Variants in ST7 observed in about 807,000 individuals in gnomAD.
ST7 encodes suppressor of tumorigenicity 7 protein.
A neutral mutation model predicts 78.7 loss-of-function variants in ST7; 28 were observed. The observed-to-expected ratio is 0.36, with a 90% CI of 0.26 to 0.49. The LOEUF is 0.49. ST7 is among the 20% of genes least tolerant of loss of function. The probability of loss-of-function intolerance (pLI) is 0.99; values close to 1 mark genes in which losing one functional copy is unlikely to be tolerated. For missense variants in ST7, 418 were observed against 696.0 expected (o/e 0.60, Z 4.49); for synonymous variants, 247 against 249.6 (o/e 0.99, Z 0.10).
At chr7:117,229,149 A>T (rs1793624400) in intron 15 of ST7, among the ~76,000 whole-genome samples, 1 of 152,252 alleles carries the variant, frequency 6.6e-6, no homozygotes, top group Admixed American at 6.5e-5. Flanking sequence ...GAGTTCCCAG[A>T]GGTGCACTCG....
At position 117,190,740 on chromosome 7, in the gene ST7, C is replaced by A. The variant is rs1809697949; in HGVS notation, c.1152-94C>A. On this transcript the variant is annotated intron_variant, in intron 11 of 15. Coordinates refer to ENST00000323984, the MANE Select transcript of ST7 (RefSeq NM_001369598.1). The surrounding 1 kb of genome is among the most constrained non-coding windows in gnomAD (Gnocchi z 5.2). Reference sequence around the variant, plus strand: ...TTGGAGAGCTCATGCTATTGGCTCACTGTGGTTTTATGGGCCCTAGATGTG... The same window carrying A: ...TTGGAGAGCTCATGCTATTGGCTCAATGTGGTTTTATGGGCCCTAGATGTG... 2.1e-6 allele frequency: 2 copies of A among 956,430 alleles called. No individual in the cohort carries two copies. Among genetic ancestry groups the A allele is most frequent in the Non-Finnish European group, 3.3e-6 (2 of 607,070 alleles). 59.2% of individuals were successfully genotyped at this position (956,430 alleles called of 1,614,324 possible).
chr7:117,027,752 T>C (rs926108708), intron 1 of ST7, among the ~76,000 whole-genome samples: 13 of 152,076 alleles, frequency 8.5e-5, no homozygotes, highest in Non-Finnish European at 1.6e-4. Flanking sequence ...AACACACCAG[T>C]CTGTGTCACA....
intron 9 of ST7, among the ~76,000 whole-genome samples, chr7:117,141,726 A>C (rs1290590624): frequency 3.3e-5 from 5 of 151,760 alleles, no homozygotes; most frequent in Non-Finnish European, 7.4e-5. Flanking sequence ...GCTGGAGTGC[A>C]GTGGCACGAC....
chr7:117,210,885 A>G (rs1362389471), intron 13 of ST7, among the ~76,000 whole-genome samples: 2 of 152,204 alleles, frequency 1.3e-5, no homozygotes, highest in East Asian at 3.8e-4. Flanking sequence ...TTTTCCACCC[A>G]TGGGAAACTA....
chr7:117,178,396 G>A (rs1230490657), intron 10 of ST7, among the ~76,000 whole-genome samples: 4 of 152,174 alleles, frequency 2.6e-5, no homozygotes, highest in Admixed American at 6.5e-5. Context: ...TTTGAAACAA[G>A]CTGTGGGGAG....
intron 1 of ST7, among the ~76,000 whole-genome samples, chr7:117,097,895 TATATATATATA>T (rs1801201802): frequency 1.6e-4 from 4 of 24,390 alleles, no homozygotes; most frequent in South Asian, 2.5e-3. Flanking sequence ...TATATATATA[TATATATATATA>T]TATTTTTTTT....
At chr7:117,005,937 G>C (rs1259688077) in intron 1 of ST7, among the ~76,000 whole-genome samples, 1 of 152,138 alleles carries the variant, frequency 6.6e-6, no homozygotes, top group Non-Finnish European at 1.5e-5. Context: ...ATTTAAGAGA[G>C]TCAACAATAG....
At chr7:117,089,546 A>G (rs569852518) in intron 1 of ST7, among the ~76,000 whole-genome samples, 8 of 151,500 alleles carry the variant, frequency 5.3e-5, no homozygotes, top group Non-Finnish European at 8.8e-5. Flanking sequence ...AACCTAGAGC[A>G]CTTCAACAGT....
At chr7:117,072,312 A>G (rs1799017107) in intron 1 of ST7, 1 of 152,226 alleles carries the variant, frequency 6.6e-6, no homozygotes, top group Non-Finnish European at 1.5e-5. Context: ...CTCAGTTGGT[A>G]TCATTCTATA....
intron 1 of ST7, chr7:116,959,784 T>C (rs1220202808): frequency 6.6e-6 from 1 of 152,232 alleles, no homozygotes; most frequent in African/African-American, 2.4e-5. Context: ...GAGATATTTT[T>C]CTCAGCCATT....
chr7:117,082,519 C>A (rs1471055299), intron 1 of ST7, among the ~76,000 whole-genome samples: 2 of 152,236 alleles, frequency 1.3e-5, no homozygotes, highest in East Asian at 3.8e-4. Context: ...ATGGCAGCAT[C>A]ATTGGGATAC....
intron 9 of ST7, among the ~76,000 whole-genome samples, chr7:117,156,386 A>G (rs1175647207): frequency 6.6e-6 from 1 of 152,198 alleles, no homozygotes; most frequent in Non-Finnish European, 1.5e-5. Context: ...TTACTGAAAG[A>G]AGGATGACTA....
intron 1 of ST7, chr7:116,958,479 G>T: frequency 3.1e-6 from 1 of 320,754 alleles, no homozygotes; most frequent in Non-Finnish European, 6.5e-6. Context: ...ACATAAAATT[G>T]GATTTCCCTT....
chr7:117,169,223 C>G (rs566200967), intron 9 of ST7, among the ~76,000 whole-genome samples: 1 of 151,596 alleles, frequency 6.6e-6, no homozygotes, highest in African/African-American at 2.4e-5. Context: ...GCAACCTCCA[C>G]CTCCTGGGTT....
chr7:116,990,158 A>T (rs1428179303), intron 1 of ST7, among the ~76,000 whole-genome samples: 1 of 152,044 alleles, frequency 6.6e-6, no homozygotes, highest in African/African-American at 2.4e-5. Flanking sequence ...GGATTATCTC[A>T]ATCTCTGGAC....
Position 117,190,479 on chromosome 7 carries a change from G to A in ST7, c.1152-355G>A, listed in dbSNP as rs967419458. On this transcript the variant is annotated intron_variant, in intron 11 of 15. Transcript: ENST00000323984. The surrounding 1 kb of genome is among the most constrained non-coding windows in gnomAD (Gnocchi z 5.2). ...CCCAGTTCTGTTTTTAACCAAGTGC[G>A]CTCTTCTGTAACCTAGTTTTCTCTT... Among the ~76,000 whole-genome samples the A allele has an allele frequency of 2.0e-5, 3 of 152,130 alleles. No homozygotes were observed. The highest frequency in any genetic ancestry group is 4.4e-5 in the Non-Finnish European group (3 of 68,026).
chr7:117,042,150 T>A (rs1797263928), intron 1 of ST7, among the ~76,000 whole-genome samples: 2 of 152,332 alleles, frequency 1.3e-5, no homozygotes, highest in Admixed American at 1.3e-4. Context: ...TTTGTATTAT[T>A]TGAGTTTTTG....
At chr7:117,143,010 T>G (rs1303445306) in intron 9 of ST7, among the ~76,000 whole-genome samples, 1 of 152,134 alleles carries the variant, frequency 6.6e-6, no homozygotes, top group East Asian at 1.9e-4. Flanking sequence ...AGCCTGGTTT[T>G]GGGGGCTGTT....
chr7:117,102,797 C>T (rs1281241750), intron 2 of ST7, among the ~76,000 whole-genome samples: 1 of 152,006 alleles, frequency 6.6e-6, no homozygotes, highest in Non-Finnish European at 1.5e-5. Context: ...CAAGTGAGCC[C>T]TGTTTGCAGA....
Sources: allele counts gnomAD v4.1 joint callset (sites outside exome capture counted in the v4.1 genomes callset), GRCh38; gene constraint gnomAD v4.1.1; non-coding constraint Gnocchi (gnomAD v3.1); transcripts MANE v1.5; gene names NCBI Gene and HGNC (gene_info 2026-07-23, HGNC 2026-07-21).